GRK2: variants seen among roughly 807,000 people sequenced by gnomAD.
GRK2 encodes the protein G protein-coupled receptor kinase 2.
A neutral mutation model predicts 97.8 loss-of-function variants in GRK2; 23 were observed. That is an observed-to-expected ratio of 0.24 (90% CI 0.17 to 0.33). The LOEUF (loss-of-function observed/expected upper bound fraction) is 0.33. GRK2 is among the 10% of genes least tolerant of loss of function. The pLI is 1.00. For missense variants in GRK2, 633 were observed against 956.9 expected, an observed-to-expected ratio of 0.66 and a Z score of 4.47; for synonymous variants, 425 against 381.7, an observed-to-expected ratio of 1.11 and a Z score of -1.32.
At position 67,281,057 on chromosome 11, in the gene GRK2, C is replaced by A; in HGVS notation, c.556-36C>A. The A allele has an allele frequency of 6.4e-7, 1 of 1,574,296 alleles. No homozygotes were observed. Among genetic ancestry groups the A allele is most frequent in the Non-Finnish European group, 8.7e-7 (1 of 1,152,756 alleles). ...CCTCTGCCCCAGGGCTGGGCAGAGG[C>A]AGCCTGTGGTGACCGCAGCTGTCGC... On this transcript the variant is annotated intron_variant, in intron 7 of 20. Transcript: ENST00000308595. This position sits in a 1 kb window ranked among gnomAD's most constrained non-coding sequence, Gnocchi z 5.7.
At chr11:67,277,429 C>G (rs956152447) in intron 2 of GRK2, 81 bp downstream of exon 2, 7 of 1,328,042 alleles carry the variant, frequency 5.3e-6, no homozygotes, top group Non-Finnish European at 7.5e-6. Flanking sequence ...GCTCCCCACT[C>G]TCCAGAGATT....
rs138968014 is a variant in GRK2, at chr11:67,282,815, G to A, written c.1224G>A (p.Thr408=). Residue 408 remains threonine (T), a synonymous_variant, in exon 14 of 21, where the codon ACG becomes ACA. Transcript: ENST00000308595. The surrounding 1 kb of genome is among the most constrained non-coding windows in gnomAD (Gnocchi z 6.9). ...ATGAGATCGACCGCATGACGCTGAC[G>A]ATGGTGGGTGCAGGTCTCAGTGCAG... is the stretch of plus-strand genomic sequence containing the variant. ...DKHEIDRMTL[T]MAVELPDSFS... 3.1e-4 allele frequency: 499 copies of A among 1,608,992 alleles called. No homozygotes were observed. The highest frequency in any genetic ancestry group is 3.0e-4 in the Non-Finnish European group (351 of 1,179,564).
Position 67,273,794 on chromosome 11 carries a change from C to G in GRK2, c.114-3478C>G, listed in dbSNP as rs1194073628. Among the ~76,000 whole-genome samples, 5 of 152,196 alleles carry G rather than the reference C, an allele frequency of 3.3e-5. No individual in the cohort carries two copies. In the South Asian group the frequency reaches 1.0e-3, roughly 32 times the overall value. ...CGTGGCTGCTGAGGGGAGAGATGGCCTCAGAGCCCCGGGTCCTGCTTCCTG... is the reference window on the plus strand; with the variant it reads ...CGTGGCTGCTGAGGGGAGAGATGGCGTCAGAGCCCCGGGTCCTGCTTCCTG... On this transcript the variant is annotated intron_variant, in intron 1 of 20. Transcript: ENST00000308595.
At chr11:67,268,647 A>T (rs1468044527) in intron 1 of GRK2, among the ~76,000 whole-genome samples, 1 of 152,106 alleles carries the variant, frequency 6.6e-6, no homozygotes, top group East Asian at 1.9e-4. Flanking sequence ...ATTGCTTCTG[A>T]TGGGGCGCCG....
Position 67,285,584 on chromosome 11 carries a change from C to G in GRK2, c.*134C>G, listed in dbSNP as rs761209071. The G allele has an allele frequency of 1.3e-5, 15 of 1,188,340 alleles. No individual in the cohort carries two copies. Among genetic ancestry groups the G allele is most frequent in the African/African-American group, 3.1e-5 (2 of 64,234 alleles). 73.6% of individuals were successfully genotyped at this position (1,188,340 alleles called of 1,614,324 possible). Reference sequence around the variant, plus strand: ...TGGCCCCAGCCTGGCCCAGCTCCCCCGGGAGGGGCCCGCTTGCCTCGGCTC... The same window carrying G: ...TGGCCCCAGCCTGGCCCAGCTCCCCGGGGAGGGGCCCGCTTGCCTCGGCTC... On this transcript the variant is annotated 3_prime_UTR_variant, in exon 21 of 21. Coordinates refer to ENST00000308595, the MANE Select transcript of GRK2 (RefSeq NM_001619.5).
At chr11:67,271,359 T>C (rs1354514261) in intron 1 of GRK2, among the ~76,000 whole-genome samples, 29 of 152,248 alleles carry the variant, frequency 1.9e-4, no homozygotes, top group Non-Finnish European at 5.9e-5. Context: ...AGGACGCGTC[T>C]ATGCTGGCAG....
At chr11:67,283,049 G>C (rs1252872724) in intron 14 of GRK2, 79 bp from the exon 15 acceptor site, 1 of 1,431,604 alleles carries the variant, frequency 7.0e-7, no homozygotes, top group East Asian at 2.3e-5. Flanking sequence ...GCGGGGGCCT[G>C]GACCCCTCTC....
intron 6 of GRK2, chr11:67,280,268 C>T (rs1801019371): frequency 2.6e-6 from 1 of 386,252 alleles, no homozygotes; most frequent in South Asian, 2.7e-5. Flanking sequence ...GCGCATGGCC[C>T]CCGTGACCCT....
At position 67,266,741 on chromosome 11, in the gene GRK2, G is replaced by A. The variant is rs747444658; in HGVS notation, c.42G>A (p.Leu14=). The A allele has an allele frequency of 2.9e-6, 4 of 1,373,380 alleles. No individual in the cohort carries two copies. The African/African-American group carries it at 6.0e-5, about 21-fold the overall frequency. 85.1% of individuals were successfully genotyped at this position (1,373,380 alleles called of 1,614,324 possible). The change falls in exon 1 of 21, where the codon CTG becomes CTA. Residue 14 remains leucine, a synonymous_variant. Coordinates refer to ENST00000308595, the MANE Select transcript of GRK2 (RefSeq NM_001619.5). Reference sequence around the variant, plus strand: ...CGGTGCTGGCCGACGTGAGCTACCTGATGGCCATGGAGAAGAGCAAGGCCA... The same window carrying A: ...CGGTGCTGGCCGACGTGAGCTACCTAATGGCCATGGAGAAGAGCAAGGCCA... ...LEAVLADVSY[L]MAMEKSKATP... is the part of the protein sequence containing the mutation.
chr11:67,282,826 C>G lies in GRK2; in HGVS notation c.1227+8C>G. 6.2e-7 allele frequency: 1 copy of G among 1,606,004 alleles called. No individual in the cohort carries two copies. The highest frequency in any genetic ancestry group is 2.2e-5 in the East Asian group (1 of 44,756). On this transcript the variant is annotated splice_region_variant and intron_variant, in intron 14 of 20. Coordinates refer to ENST00000308595, the MANE Select transcript of GRK2 (RefSeq NM_001619.5). This position sits in a 1 kb window ranked among gnomAD's most constrained non-coding sequence, Gnocchi z 6.9. The stretch of plus-strand genomic sequence containing the variant: ...CGCATGACGCTGACGATGGTGGGTG[C>G]AGGTCTCAGTGCAGGGCCGCAGGGG...
In GRK2 at chr11:67,282,467, T is replaced by C. The variant is rs1185607871; in HGVS notation, c.1085T>C (p.Leu362Pro). Residue 362 changes from leucine (L) to proline (P), a missense_variant, in exon 13 of 21, where the codon CTG (leucine) becomes CCG (proline). Physicochemically the swap from Leu to Pro is moderately conservative, Grantham distance 98. Transcript: ENST00000308595. This position sits in a 1 kb window ranked among gnomAD's most constrained non-coding sequence, Gnocchi z 6.9. ...CACGGGTACATGGCTCCGGAGGTCC[T>C]GCAGAAGGGCGTGGCCTACGACAGC... ...GTHGYMAPEV[L>P]QKGVAYDSSA... 1 of 1,611,988 alleles carries C rather than the reference T, an allele frequency of 6.2e-7. No homozygotes were observed. The highest frequency in any genetic ancestry group is 8.5e-7 in the Non-Finnish European group (1 of 1,179,180).
Position 67,277,414 on chromosome 11 carries a change from G to A in GRK2, c.190+66G>A. On this transcript the variant is annotated intron_variant, in intron 2 of 20. Transcript: ENST00000308595. ...TCTTGCCCCTACCCCAGCCAGCCCA[G>A]CTGTGCTCCCCACTCTCCAGAGATT... 4.2e-6 allele frequency: 6 copies of A among 1,430,426 alleles called. No individual in the cohort carries two copies. The South Asian group carries it at 6.9e-5, about 16-fold the overall frequency. 88.6% of individuals were successfully genotyped at this position (1,430,426 alleles called of 1,614,324 possible).
chr11:67,278,465 C>T (rs1860079081), intron 2 of GRK2, among the ~76,000 whole-genome samples: 1 of 152,186 alleles, frequency 6.6e-6, no homozygotes, highest in Non-Finnish European at 1.5e-5. Context: ...TTCCCTGTGG[C>T]TTACACCCGT....
Position 67,286,316 on chromosome 11 carries a change from C to T in GRK2, c.*866C>T, listed in dbSNP as rs1286753514. On this transcript the variant is annotated 3_prime_UTR_variant, in exon 21 of 21. Transcript: ENST00000308595. ...CCATCCTGGCCCATCAGTGTACCCC[C>T]GCCCAGGCTGGCCAGCCCCACAGCC... is the stretch of plus-strand genomic sequence containing the variant. 1.3e-5 allele frequency: 9 copies of T among 675,498 alleles called. No homozygotes were observed. The highest frequency in any genetic ancestry group is 9.3e-5 in the South Asian group (6 of 64,538). 41.8% of individuals were successfully genotyped at this position (675,498 alleles called of 1,614,324 possible).
rs1565066703 is a variant in GRK2 at position 67,280,722 on chromosome 11, T to A, written c.504-10T>A. 1 of 1,614,034 alleles carries A rather than the reference T, an allele frequency of 6.2e-7. No individual in the cohort carries two copies. Among genetic ancestry groups the A allele is most frequent in the Non-Finnish European group, 8.5e-7 (1 of 1,179,974 alleles). ...TGAGTGGCCCCTGAGCCCTGATTCTTCTTTTCCAGCGATAAGTTCACACGG... is the reference window on the plus strand; with the variant it reads ...TGAGTGGCCCCTGAGCCCTGATTCTACTTTTCCAGCGATAAGTTCACACGG... On this transcript the variant is annotated splice_polypyrimidine_tract_variant and intron_variant, in intron 6 of 20. Coordinates refer to ENST00000308595, the MANE Select transcript of GRK2 (RefSeq NM_001619.5).
chr11:67,272,626 C>T (rs775298168), intron 1 of GRK2, among the ~76,000 whole-genome samples: 4 of 152,214 alleles, frequency 2.6e-5, no homozygotes, highest in Non-Finnish European at 5.9e-5. Context: ...GAGCCTGCTC[C>T]GGGAGCAGTA....
intron 14 of GRK2, 40 bp from the exon 15 acceptor site, chr11:67,283,088 T>C (rs895999862): frequency 7.5e-6 from 12 of 1,595,724 alleles, no homozygotes; most frequent in South Asian, 4.4e-5. Flanking sequence ...GGTCAAGGGC[T>C]CTTCCTAAGC....
rs1860180817 is a variant in GRK2 at position 67,282,691 on chromosome 11, T to A, written c.1161-61T>A. The A allele has an allele frequency of 1.1e-5, 17 of 1,597,138 alleles. No individual in the cohort carries two copies. The South Asian group carries it at 1.9e-4, about 18-fold the overall frequency. On this transcript the variant is annotated intron_variant, in intron 13 of 20. Transcript: ENST00000308595. The surrounding 1 kb of genome is among the most constrained non-coding windows in gnomAD (Gnocchi z 6.9). ...GACTTTGGCCACAGCTCATCCATGC[T>A]GCCTGCCTCCCTTTCCCCATTCCTG... is the stretch of plus-strand genomic sequence containing the variant.
At chr11:67,274,766 C>A (rs375908847) in intron 1 of GRK2, among the ~76,000 whole-genome samples, 2 of 152,076 alleles carry the variant, frequency 1.3e-5, no homozygotes, top group Admixed American at 1.3e-4. Flanking sequence ...CTCCGTCCAC[C>A]GTTTCCTGTG....
Sources: allele counts gnomAD v4.1 joint callset (sites outside exome capture counted in the v4.1 genomes callset), GRCh38; gene constraint gnomAD v4.1.1; non-coding constraint Gnocchi (gnomAD v3.1); transcripts MANE v1.5; gene names NCBI Gene and HGNC (gene_info 2026-07-23, HGNC 2026-07-21).